The following JMY variants were observed in gnomAD, a reference collection of about 807,000 sequenced individuals.
JMY encodes the protein junction-mediating and -regulatory protein.
JMY carries 46 observed loss-of-function variants against 103.3 expected under a neutral mutation model. The ratio of observed to expected loss-of-function variants is 0.45; its 90% CI spans 0.35 to 0.57. The LOEUF is 0.57. Among genes scored for constraint, JMY ranks in the 20% least tolerant of loss-of-function variants. The pLI, the probability that JMY is intolerant of heterozygous loss-of-function variation, is 0.00. For missense variants in JMY, 1,238 were observed against 1,255.2 expected (o/e 0.99, Z 0.21); for synonymous variants, 526 against 489.3 (o/e 1.07, Z -0.99).
Position 79,316,317 on chromosome 5 carries a change from G to A in JMY, c.*3+7G>A, listed in dbSNP as rs747311304. On this transcript the variant is annotated splice_region_variant and intron_variant, in intron 10 of 10. Transcript: ENST00000396137. ...AGACTGGGAGAACTAACAAGTAAAC[G>A]GCCTTATTGTCTTTAGTAGCATTCA... is the stretch of plus-strand genomic sequence containing the variant. 1.0e-5 allele frequency: 16 copies of A among 1,591,544 alleles called. No homozygotes were observed. The Admixed American group carries it at 1.2e-4, about 12-fold the overall frequency.
rs148617363 is a variant in JMY at position 79,286,412 on chromosome 5, G to C, written c.1207-3709G>C. ...TCCCAGCACTTCGAGAGGCCGAGGT[G>C]GGCAAATCACCTGAGGTCAGGAGTT... On this transcript the variant is annotated intron_variant, in intron 2 of 10. Transcript: ENST00000396137. Among the ~76,000 whole-genome samples the C allele has an allele frequency of 5.8e-3, 876 of 152,238 alleles. 8 individuals carry two copies. Among genetic ancestry groups the C allele is most frequent in the African/African-American group, 0.02 (835 of 41,534 alleles).
chr5:79,256,762 C>T (rs190575830), intron 1 of JMY, among the ~76,000 whole-genome samples: 41 of 149,346 alleles, frequency 2.7e-4, no homozygotes, highest in African/African-American at 9.3e-4. Flanking sequence ...CTTCCTCCCT[C>T]CCCCACCCTT....
At chr5:79,245,856 AC>A (rs1211134646) in intron 1 of JMY, among the ~76,000 whole-genome samples, 1 of 151,830 alleles carries the variant, frequency 6.6e-6, no homozygotes, top group African/African-American at 2.4e-5. Flanking sequence ...GAACTCCTAA[AC>A]TCAGGTATCC....
At chr5:79,249,173 TA>T (rs1177713991) in intron 1 of JMY, among the ~76,000 whole-genome samples, 2 of 152,016 alleles carry the variant, frequency 1.3e-5, no homozygotes, top group Non-Finnish European at 2.9e-5. Flanking sequence ...CGGTGTGAAT[TA>T]ACTTCATTAT....
chr5:79,236,386 A>C lies in JMY; in HGVS notation c.-265A>C. The C allele has an allele frequency of 6.7e-6, 2 of 296,994 alleles. No individual in the cohort carries two copies. The highest frequency in any genetic ancestry group is 1.2e-5 in the Non-Finnish European group (2 of 160,926). The allele number at this position is 296,994 out of a possible 1,614,324, so 18.4% of individuals were successfully genotyped here. On this transcript the variant is annotated 5_prime_UTR_variant, in exon 1 of 11. Coordinates refer to ENST00000396137, the MANE Select transcript of JMY (RefSeq NM_152405.5). ...GCCGCGAGGCGCTGCGGCAGCGCGG[A>C]GCTTGTAAACAGATCCGGCCGCAGG...
At chr5:79,270,070 C>T (rs1193998238) in intron 1 of JMY, among the ~76,000 whole-genome samples, 2 of 152,020 alleles carry the variant, frequency 1.3e-5, no homozygotes, top group Admixed American at 6.6e-5. Flanking sequence ...AGTTCATTTT[C>T]TACATGGACA....
intron 1 of JMY, among the ~76,000 whole-genome samples, chr5:79,239,381 C>T (rs1339203477): frequency 6.6e-6 from 1 of 152,184 alleles, no homozygotes; most frequent in African/African-American, 2.4e-5. Flanking sequence ...ACCTGTATTT[C>T]TCTTAAACTG....
chr5:79,244,167 A>G (rs2112044231), intron 1 of JMY, among the ~76,000 whole-genome samples: 2 of 152,006 alleles, frequency 1.3e-5, no homozygotes, highest in East Asian at 3.9e-4. Flanking sequence ...CACCCAGCTA[A>G]CTTTTGTATT....
chr5:79,311,148 C>CTTT (rs35187257), intron 7 of JMY, among the ~76,000 whole-genome samples: 1 of 126,148 alleles, frequency 7.9e-6, no homozygotes, highest in Non-Finnish European at 1.7e-5. Context: ...ACCACACCTT[C>CTTT]TTTTTTTTTT....
chr5:79,302,032 A>C (rs1455447679), intron 6 of JMY, among the ~76,000 whole-genome samples: 1 of 151,124 alleles, frequency 6.6e-6, no homozygotes, highest in Non-Finnish European at 1.5e-5. Context: ...GCAGTGAGCC[A>C]AGATGGCACC....
At chr5:79,276,696 T>TC (rs1745947027) in intron 1 of JMY, among the ~76,000 whole-genome samples, 1 of 152,048 alleles carries the variant, frequency 6.6e-6, no homozygotes, top group African/African-American at 2.4e-5. Flanking sequence ...AACCTCTGCC[T>TC]CCCGGGTTCA....
At chr5:79,253,910 A>G (rs1301579935) in intron 1 of JMY, among the ~76,000 whole-genome samples, 1 of 145,872 alleles carries the variant, frequency 6.9e-6, no homozygotes, top group African/African-American at 2.5e-5. Context: ...CAAGTGATCC[A>G]CCCATCCTGT....
At position 79,237,124 on chromosome 5, in the gene JMY, C is replaced by T. The variant is rs1473747733; in HGVS notation, c.474C>T (p.Asp158=). The change falls in exon 1 of 11, where the codon GAC becomes GAT. Residue 158 remains aspartate, a synonymous_variant. Transcript: ENST00000396137. ...PIPGQKTSEA[D]DAAGAAAAAA... Reference sequence around the variant, plus strand: ...CGGGTCAGAAAACATCTGAAGCCGACGATGCGGCGGGGGCAGCCGCTGCAG... The same window carrying T: ...CGGGTCAGAAAACATCTGAAGCCGATGATGCGGCGGGGGCAGCCGCTGCAG... 2.1e-5 allele frequency: 32 copies of T among 1,548,554 alleles called. No individual in the cohort carries two copies. Among genetic ancestry groups the T allele is most frequent in the African/African-American group, 2.7e-5 (2 of 72,968 alleles).
intron 4 of JMY, among the ~76,000 whole-genome samples, chr5:79,294,345 A>G (rs1342023959): frequency 6.6e-6 from 1 of 152,188 alleles, no homozygotes; most frequent in Non-Finnish European, 1.5e-5. Context: ...CAGAGGCTGC[A>G]GTGAGCCGAG....
At chr5:79,299,948 C>T (rs980972425) in intron 4 of JMY, among the ~76,000 whole-genome samples, 3 of 151,378 alleles carry the variant, frequency 2.0e-5, no homozygotes, top group African/African-American at 7.3e-5. Context: ...TTGCCTACTT[C>T]CACCATATAA....
chr5:79,247,648 GTTTA>G lies in JMY; in HGVS notation c.1032+9982_1032+9985del, dbSNP rs577008559. On this transcript the variant is annotated intron_variant, in intron 1 of 10. Transcript: ENST00000396137. ...ATCACTTCTATTTCCTTTTTATTTTGTTTATTTATTTATTTATTTTTTGAGGCGG... is the reference window on the plus strand; with the variant it reads ...ATCACTTCTATTTCCTTTTTATTTTGTTTATTTATTTATTTTTTGAGGCGG... Among the ~76,000 whole-genome samples the G allele has an allele frequency of 5.3e-5, 8 of 150,806 alleles. No individual in the cohort carries two copies. In the South Asian group the frequency reaches 1.0e-3, roughly 20 times the overall value.
chr5:79,253,406 C>A (rs1745147838), intron 1 of JMY, among the ~76,000 whole-genome samples: 1 of 151,986 alleles, frequency 6.6e-6, no homozygotes, highest in African/African-American at 2.4e-5. Flanking sequence ...GATTCTTCTG[C>A]CTCAGCCTCC....
chr5:79,301,350 T>C (rs187061758), intron 6 of JMY, among the ~76,000 whole-genome samples: 1 of 152,222 alleles, frequency 6.6e-6, no homozygotes, highest in African/African-American at 2.4e-5. Context: ...TGGAGCTGTT[T>C]CTAGTCACTG....
At chr5:79,297,051 T>C (rs1746583743) in intron 4 of JMY, among the ~76,000 whole-genome samples, 1 of 152,180 alleles carries the variant, frequency 6.6e-6, no homozygotes, top group Non-Finnish European at 1.5e-5. Flanking sequence ...CACTTTGATA[T>C]TTTTCCGTCT....
Sources: gnomAD v4.1 joint callset for allele counts (sites outside exome capture counted in the v4.1 genomes callset) on GRCh38, gnomAD v4.1.1 for gene constraint, MANE v1.5 for transcripts, NCBI Gene and HGNC (gene_info 2026-07-23, HGNC 2026-07-21) for gene names.